DBT: variants seen among roughly 807,000 people sequenced by gnomAD.
DBT encodes lipoamide acyltransferase component of branched-chain alpha-keto acid dehydrogenase complex, mitochondrial.
Under a neutral mutation model 51.3 loss-of-function variants are expected in DBT, and 40 were observed. That is an observed-to-expected ratio of 0.78 (90% CI 0.61 to 1.02). The LOEUF (loss-of-function observed/expected upper bound fraction) is 1.02, where lower values mean the gene tolerates loss of function less well. Among genes scored for constraint, DBT ranks in the 50% least tolerant of loss-of-function variants. The pLI, the probability that DBT is intolerant of heterozygous loss-of-function variation, is 0.00. For synonymous variants in DBT, 181 were observed against 190.4 expected (o/e 0.95, Z 0.41); for missense variants, 510 against 580.2 (o/e 0.88, Z 1.24).
At chr1:100,224,856 A>C (rs2100815141) in intron 4 of DBT, among the ~76,000 whole-genome samples, 1 of 151,502 alleles carries the variant, frequency 6.6e-6, no homozygotes, top group South Asian at 2.1e-4. Context: ...CTCTACTAAA[A>C]ATATGAAAAT....
chr1:100,230,715 T>G lies in DBT; in HGVS notation c.433+18A>C. 6.4e-7 allele frequency: 1 copy of G among 1,557,586 alleles called. No individual in the cohort carries two copies. Among genetic ancestry groups the G allele is most frequent in the South Asian group, 1.1e-5 (1 of 88,046 alleles). ...CCAATAATCAATTTGGTAAAATAGA[T>G]TAACAGACTTACAATACCTTTTAAA... On this transcript the variant is annotated intron_variant, in intron 4 of 10. Coordinates refer to ENST00000370132, the MANE Select transcript of DBT (RefSeq NM_001918.5).
intron 10 of DBT, among the ~76,000 whole-genome samples, chr1:100,200,725 T>C (rs988705051): frequency 6.6e-5 from 10 of 152,174 alleles, no homozygotes; most frequent in Admixed American, 2.0e-4. Context: ...GCAGCAATCT[T>C]TGCTGTTCTA....
chr1:100,199,677 G>C (rs1661321939), intron 10 of DBT, among the ~76,000 whole-genome samples: 1 of 152,160 alleles, frequency 6.6e-6, no homozygotes, highest in African/African-American at 2.4e-5. Context: ...GGTGATTTCT[G>C]CATTTCCAAC....
At chr1:100,238,976 AAAGCAGTATTAGTATATGT>A (rs1023362089) in intron 2 of DBT, among the ~76,000 whole-genome samples, 8 of 152,230 alleles carry the variant, frequency 5.3e-5, no homozygotes, top group African/African-American at 1.9e-4. Context: ...GTATCCAGAG[AAAGCAGTATTAGTATATGT>A]AAGCAGTATT....
chr1:100,200,993 G>A (rs1009782811), intron 10 of DBT, among the ~76,000 whole-genome samples: 6 of 152,066 alleles, frequency 3.9e-5, no homozygotes, highest in East Asian at 1.9e-4. Flanking sequence ...AAACCAGGAC[G>A]CCTCTTCTCC....
At chr1:100,204,493 A>G (rs1661643751) in intron 10 of DBT, among the ~76,000 whole-genome samples, 1 of 152,236 alleles carries the variant, frequency 6.6e-6, no homozygotes, top group African/African-American at 2.4e-5. Context: ...GCTCATGGAT[A>G]GGAAGAATCA....
intron 5 of DBT, among the ~76,000 whole-genome samples, chr1:100,218,033 G>A (rs1263660465): frequency 6.6e-5 from 10 of 152,154 alleles, no homozygotes; most frequent in Admixed American, 6.5e-4. Flanking sequence ...CAGTGCCAGG[G>A]AGCCACCCTG....
chr1:100,210,613 A>G, intron 8 of DBT, 81 bp downstream of exon 8: 1 of 1,586,824 alleles, frequency 6.3e-7, no homozygotes, highest in Non-Finnish European at 8.6e-7. Flanking sequence ...TATTTGAGGT[A>G]CAATAGAAGT....
At chr1:100,239,851 C>CAAAAAAAAAAAAAAA (rs56661922) in intron 2 of DBT, among the ~76,000 whole-genome samples, 8 of 111,164 alleles carry the variant, frequency 7.2e-5, no homozygotes, top group South Asian at 3.0e-4. Context: ...CAACAGAGCT[C>CAAAAAAAAAAAAAAA]AAAAAAAAAA....
At chr1:100,209,395 C>T (rs576969617) in intron 8 of DBT, among the ~76,000 whole-genome samples, 46 of 151,880 alleles carry the variant, frequency 3.0e-4, no homozygotes, top group Admixed American at 1.2e-3. Flanking sequence ...CCACCACACC[C>T]GGCCAACATC....
chr1:100,215,126 A>G, intron 6 of DBT, 143 bp from the exon 7 acceptor site: 1 of 653,278 alleles, frequency 1.5e-6, no homozygotes, highest in Non-Finnish European at 2.6e-6. Context: ...TACTCTCTTC[A>G]TTACATTACA....
At chr1:100,205,477 T>G (rs765370789) in intron 10 of DBT, among the ~76,000 whole-genome samples, 5 of 152,116 alleles carry the variant, frequency 3.3e-5, no homozygotes, top group Non-Finnish European at 7.4e-5. Context: ...TATAGAGAGA[T>G]AGAAACGCTT....
At chr1:100,219,268 C>T (rs1426285762) in intron 4 of DBT, among the ~76,000 whole-genome samples, 1 of 151,956 alleles carries the variant, frequency 6.6e-6, no homozygotes, top group Non-Finnish European at 1.5e-5. Context: ...GGGAGGATTG[C>T]TTGAGCCCAG....
intron 4 of DBT, among the ~76,000 whole-genome samples, chr1:100,225,005 G>A (rs6675037): frequency 0.76 from 87,442 of 114,314 alleles, 35,336 homozygotes; most frequent in East Asian, 0.96. Context: ...GCGACAGAGT[G>A]AGACTCCGTC....
chr1:100,208,656 G>C (rs995251259), intron 8 of DBT, among the ~76,000 whole-genome samples: 1 of 151,940 alleles, frequency 6.6e-6, no homozygotes, highest in African/African-American at 2.4e-5. Context: ...CCAGCACTTT[G>C]GGAGGCTGAG....
In DBT at chr1:100,198,737, C is replaced by G. The variant is rs567214940; in HGVS notation, c.1282-2315G>C. On this transcript the variant is annotated intron_variant, in intron 10 of 10. Coordinates refer to ENST00000370132, the MANE Select transcript of DBT (RefSeq NM_001918.5). Reference sequence around the variant, plus strand: ...CATACTGTGTCTTTTTGTTTTTTCTCCCTATCTCCTCTGCTTGCCAGAAGG... The same window carrying G: ...CATACTGTGTCTTTTTGTTTTTTCTGCCTATCTCCTCTGCTTGCCAGAAGG... Among the ~76,000 whole-genome samples the G allele has an allele frequency of 1.2e-4, 18 of 152,002 alleles. 1 individual carries two copies. Among genetic ancestry groups the G allele is most frequent in the Admixed American group, 9.2e-4 (14 of 15,266 alleles).
At chr1:100,239,420 T>C (rs1664076858) in intron 2 of DBT, among the ~76,000 whole-genome samples, 1 of 152,174 alleles carries the variant, frequency 6.6e-6, no homozygotes. Flanking sequence ...ATGGAAATTT[T>C]TGTAAAAGTA....
chr1:100,238,673 T>A (rs1664043823), intron 2 of DBT, among the ~76,000 whole-genome samples: 1 of 149,514 alleles, frequency 6.7e-6, no homozygotes. Context: ...CTTTTTAAAA[T>A]TTTTTGTAGA....
intron 1 of DBT, chr1:100,249,181 T>A: frequency 2.6e-6 from 2 of 769,584 alleles, no homozygotes; most frequent in Non-Finnish European, 3.2e-6. Context: ...GTGCTAAGAC[T>A]GGGAGAAAGA....
Sources: allele counts gnomAD v4.1 joint callset (sites outside exome capture counted in the v4.1 genomes callset), GRCh38; gene constraint gnomAD v4.1.1; transcripts MANE v1.5; gene names NCBI Gene and HGNC (gene_info 2026-07-23, HGNC 2026-07-21).